MTMR9: variants seen among roughly 807,000 people sequenced by gnomAD.
MTMR9 encodes myotubularin related protein 9, also known as myotubularin-related protein 9.
A neutral mutation model predicts 69.5 loss-of-function variants in MTMR9; 39 were observed. The ratio of observed to expected loss-of-function variants is 0.56; its 90% CI spans 0.43 to 0.73. MTMR9 has a LOEUF of 0.73. Ranked by LOEUF, MTMR9 falls within the 30% of genes least tolerant of loss-of-function variation. The pLI, the probability that MTMR9 is intolerant of heterozygous loss-of-function variation, is 0.00. For synonymous variants in MTMR9, 354 were observed against 240.8 expected, an observed-to-expected ratio of 1.47 and a Z score of -4.35; for missense variants, 900 against 671.2, an observed-to-expected ratio of 1.34 and a Z score of -3.77.
intron 1 of MTMR9, among the ~76,000 whole-genome samples, chr8:11,288,501 G>C (rs758188375): frequency 6.6e-6 from 1 of 151,730 alleles, no homozygotes; most frequent in Non-Finnish European, 1.5e-5. Flanking sequence ...GGAATGAAAT[G>C]AGGAAGCTAG....
chr8:11,298,219 T>C (rs73665047), intron 2 of MTMR9, among the ~76,000 whole-genome samples: 3,403 of 152,256 alleles, frequency 0.022, 122 homozygotes, highest in African/African-American at 0.075. Flanking sequence ...GATCTCAAGA[T>C]GAAATATGAG....
At chr8:11,321,829 G>A (rs762500424) in intron 9 of MTMR9, among the ~76,000 whole-genome samples, 1 of 152,168 alleles carries the variant, frequency 6.6e-6, no homozygotes, top group Non-Finnish European at 1.5e-5. Flanking sequence ...GAGCTGCATA[G>A]AAGGGCTCAT....
intron 9 of MTMR9, chr8:11,321,456 G>T (rs572719143): frequency 1.3e-5 from 6 of 456,464 alleles, no homozygotes; most frequent in Non-Finnish European, 2.6e-5. Flanking sequence ...TTGGGAGCTG[G>T]GTGGCCTGAA....
Position 11,295,243 on chromosome 8 carries a change from A to T in MTMR9, c.232A>T (p.Ile78Phe). ...TIIIKCKDFRIIQLDIPGMEE... is the reference protein window; with the variant it reads ...TIIIKCKDFRFIQLDIPGMEE... ...CATCATAAAATGTAAAGATTTTCGA[A>T]TTATTCAGTTGGATATTCCTGGAAT... Residue 78 changes from isoleucine (I) to phenylalanine (F), a missense_variant, in exon 2 of 10, where the codon ATT becomes TTT. Physicochemically the swap from Ile to Phe is conservative, Grantham distance 21. Coordinates refer to ENST00000221086, the MANE Select transcript of MTMR9 (RefSeq NM_015458.4). 2.5e-6 allele frequency: 4 copies of T among 1,612,282 alleles called. No homozygotes were observed. The highest frequency in any genetic ancestry group is 3.4e-6 in the Non-Finnish European group (4 of 1,178,834).
In MTMR9 at chr8:11,306,216, C is replaced by T. The variant is rs916545946; in HGVS notation, c.618C>T (p.Leu206=). 4 of 1,613,324 alleles carry T rather than the reference C, an allele frequency of 2.5e-6. No individual in the cohort carries two copies. Among genetic ancestry groups the T allele is most frequent in the Non-Finnish European group, 3.4e-6 (4 of 1,179,936 alleles). ...GMVIMRSGQP[L]TGTNGRRCKE... is the part of the protein sequence containing the mutation. ...TAATTATGCGAAGTGGTCAGCCACT[C>T]ACTGGTACAAACGGGAGGAGGTGCA... The change falls in exon 5 of 10, where the codon CTC becomes CTT. Residue 206 remains leucine, a synonymous_variant. Coordinates refer to ENST00000221086, the MANE Select transcript of MTMR9 (RefSeq NM_015458.4).
At chr8:11,292,139 A>T (rs1221483598) in intron 1 of MTMR9, among the ~76,000 whole-genome samples, 2 of 152,052 alleles carry the variant, frequency 1.3e-5, no homozygotes, top group East Asian at 3.9e-4. Context: ...CTCTTTTGAG[A>T]TTTGTCCATG....
intron 5 of MTMR9, among the ~76,000 whole-genome samples, chr8:11,306,917 T>G (rs1799960376): frequency 6.6e-6 from 1 of 152,208 alleles, no homozygotes; most frequent in Non-Finnish European, 1.5e-5. Context: ...TTCTACTCTC[T>G]GTTTCTATGA....
At chr8:11,336,809 A>G in the MTMR9 span, among the ~76,000 whole-genome samples, 1 of 152,206 alleles carries the variant, frequency 6.6e-6, no homozygotes, top group African/African-American at 2.4e-5. Context: ...TCACCTGCAC[A>G]TACAACATTC....
Position 11,308,272 on chromosome 8 carries a change from C to T in MTMR9, c.810-1255C>T, listed in dbSNP as rs143729945. Among the ~76,000 whole-genome samples the T allele has an allele frequency of 1.6e-3, 241 of 152,186 alleles. 1 individual carries two copies. The highest frequency in any genetic ancestry group is 5.6e-3 in the African/African-American group (234 of 41,518). ...TCTGCATGTGCATACCCAGTTTTTC[C>T]ACCACCACTCATGGGAGAAGCTCCT... On this transcript the variant is annotated intron_variant, in intron 5 of 9. Coordinates refer to ENST00000221086, the MANE Select transcript of MTMR9 (RefSeq NM_015458.4).
chr8:11,310,767 G>GT (rs144642434), intron 6 of MTMR9, among the ~76,000 whole-genome samples: 3,777 of 151,826 alleles, frequency 0.025, 148 homozygotes, highest in African/African-American at 0.084. Context: ...AGAGGCTTCT[G>GT]TTTTTTTTAT....
At position 11,325,084 on chromosome 8, in the gene MTMR9, A is replaced by G. The variant is rs949130532; in HGVS notation, c.*2296A>G. On this transcript the variant is annotated 3_prime_UTR_variant, in exon 10 of 10. Transcript: ENST00000221086. ...CTCTGTCTCACTGAGACAACAATCT[A>G]TACTGTTTTGGCAAGTTTGCATTTT... 6.6e-5 allele frequency: 10 copies of G among 152,204 alleles called. No homozygotes were observed. The highest frequency in any genetic ancestry group is 1.9e-4 in the African/African-American group (8 of 41,454). The allele number at this position is 152,204 out of a possible 1,614,324, so 9.4% of individuals were successfully genotyped here.
chr8:11,322,004 G>A (rs1800715873), intron 9 of MTMR9, among the ~76,000 whole-genome samples: 1 of 152,142 alleles, frequency 6.6e-6, no homozygotes, highest in Non-Finnish European at 1.5e-5. Flanking sequence ...ATAGGGCTAT[G>A]GAGAGGAGAA....
intron 1 of MTMR9, among the ~76,000 whole-genome samples, chr8:11,293,942 A>G (rs749999470): frequency 1.2e-4 from 18 of 152,216 alleles, no homozygotes; most frequent in Non-Finnish European, 2.5e-4. Context: ...TAATTACTGT[A>G]GCTTTATAGT....
intron 1 of MTMR9, among the ~76,000 whole-genome samples, chr8:11,290,003 A>G (rs1799322681): frequency 6.6e-6 from 1 of 152,216 alleles, no homozygotes; most frequent in Non-Finnish European, 1.5e-5. Flanking sequence ...GGATGGCGCC[A>G]TAAAGTAGGT....
At chr8:11,292,866 T>G (rs937059324) in intron 1 of MTMR9, among the ~76,000 whole-genome samples, 1 of 152,180 alleles carries the variant, frequency 6.6e-6, no homozygotes, top group Non-Finnish European at 1.5e-5. Flanking sequence ...GGCTGCCAGT[T>G]ACACAACAAT....
chr8:11,316,480 G>T, intron 7 of MTMR9, 193 bp from the exon 8 acceptor site: 1 of 432,760 alleles, frequency 2.3e-6, no homozygotes, highest in African/African-American at 2.0e-5. Context: ...ATTTGGAAGT[G>T]TGTCTTTTTC....
chr8:11,289,794 C>A (rs1563264529), intron 1 of MTMR9, among the ~76,000 whole-genome samples: 2 of 152,172 alleles, frequency 1.3e-5, no homozygotes, highest in East Asian at 1.9e-4. Context: ...GTTTCAAGAT[C>A]TCTTCATATT....
At chr8:11,302,253 CAAAA>C (rs34305448) in intron 3 of MTMR9, among the ~76,000 whole-genome samples, 2 of 58,972 alleles carry the variant, frequency 3.4e-5, no homozygotes, top group African/African-American at 6.8e-5. Flanking sequence ...ACCCTGTCTC[CAAAA>C]AAAAAAAAAA....
chr8:11,333,442 C>T, the MTMR9 span, among the ~76,000 whole-genome samples: 2 of 152,190 alleles, frequency 1.3e-5, no homozygotes, highest in Admixed American at 6.5e-5. Flanking sequence ...TTAAGACATG[C>T]CTAGATTTTT....
Sources: allele counts gnomAD v4.1 joint callset (sites outside exome capture counted in the v4.1 genomes callset), GRCh38; gene constraint gnomAD v4.1.1; transcripts MANE v1.5; gene names NCBI Gene and HGNC (gene_info 2026-07-23, HGNC 2026-07-21).